The following DACH2 variants were observed in gnomAD, a reference collection of about 807,000 sequenced individuals.
The protein encoded by DACH2 is dachshund family transcription factor 2, also known as dachshund homolog 2.
DACH2 carries 17 observed loss-of-function variants against 35.8 expected under a neutral mutation model. The ratio of observed to expected loss-of-function variants is 0.48; its 90% CI spans 0.33 to 0.71. The LOEUF (loss-of-function observed/expected upper bound fraction) is 0.71, where lower values mean the gene tolerates loss of function less well. DACH2 is among the 30% of genes least tolerant of loss of function. The pLI, the probability that DACH2 is intolerant of heterozygous loss-of-function variation, is 0.02. For synonymous variants in DACH2, 195 were observed against 177.3 expected (o/e 1.10, Z -0.79); for missense variants, 469 against 472.7 (o/e 0.99, Z 0.07).
chrX:86,597,956 G>A (rs1293827569), intron 3 of DACH2, among the ~76,000 whole-genome samples: 1 of 111,602 alleles, frequency 9.0e-6, no homozygotes, highest in Non-Finnish European at 1.9e-5. Flanking sequence ...GGCTGGGGAG[G>A]CCTCGCAATC....
chrX:86,463,045 A>C (rs754880755), intron 2 of DACH2, among the ~76,000 whole-genome samples: 2 of 111,663 alleles, frequency 1.8e-5, no homozygotes, highest in Non-Finnish European at 3.8e-5. Flanking sequence ...TGAGCATAAT[A>C]TAAATTGAAA....
At chrX:86,388,585 A>G (rs1235820881) in intron 2 of DACH2, among the ~76,000 whole-genome samples, 1 of 111,728 alleles carries the variant, frequency 9.0e-6, no homozygotes, top group Non-Finnish European at 1.9e-5. Flanking sequence ...TGGAAATGCT[A>G]CGTTAATATT....
intron 2 of DACH2, among the ~76,000 whole-genome samples, chrX:86,385,602 C>A (rs2036111541): frequency 9.0e-6 from 1 of 111,367 alleles, no homozygotes; most frequent in Non-Finnish European, 1.9e-5. Context: ...TGTCATTTTA[C>A]ATAAGGGACT....
chrX:86,295,467 G>T lies in DACH2; in HGVS notation c.489-81357G>T, dbSNP rs576735283. 4.5e-5 allele frequency among the ~76,000 whole-genome samples: 5 copies of T among 111,636 alleles called. No individual in the cohort carries two copies. In the South Asian group the frequency reaches 1.9e-3, roughly 43 times the overall value. The stretch of plus-strand genomic sequence containing the variant: ...TACCCAACCAGTTCACTCTCTCTGG[G>T]CCCAGTTTAACACTTCGGCTTGCTC... On this transcript the variant is annotated intron_variant, in intron 1 of 11. Transcript: ENST00000373125.
At position 86,360,863 on chromosome X, in the gene DACH2, C is replaced by A. The variant is rs894221202; in HGVS notation, c.489-15961C>A. On this transcript the variant is annotated intron_variant, in intron 1 of 11. Coordinates refer to ENST00000373125, the MANE Select transcript of DACH2 (RefSeq NM_053281.3). ...TATATTAAATAATATTTTAATGGTA[C>A]TTTAATATTTATTTTTGAGTGATAA... Among the ~76,000 whole-genome samples, 7 of 111,111 alleles carry A rather than the reference C, an allele frequency of 6.3e-5. No homozygotes were observed. The East Asian group carries it at 1.7e-3, about 27-fold the overall frequency.
intron 1 of DACH2, among the ~76,000 whole-genome samples, chrX:86,345,144 A>G (rs902646366): frequency 8.9e-6 from 1 of 111,799 alleles, no homozygotes; most frequent in Non-Finnish European, 1.9e-5. Flanking sequence ...GGCTTAATAT[A>G]TCTTTAATTA....
chrX:86,608,597 A>G (rs1424276942), intron 3 of DACH2, among the ~76,000 whole-genome samples: 2 of 111,863 alleles, frequency 1.8e-5, no homozygotes, highest in Non-Finnish European at 3.8e-5. Flanking sequence ...TCTGATTGAA[A>G]TATGCCCTTT....
chrX:86,327,365 T>C (rs778075020), intron 1 of DACH2, among the ~76,000 whole-genome samples: 2 of 112,297 alleles, frequency 1.8e-5, no homozygotes, highest in East Asian at 2.8e-4. Flanking sequence ...AAGACACACA[T>C]ACATCATTCT....
chrX:86,586,505 G>A (rs1234014642), intron 3 of DACH2, among the ~76,000 whole-genome samples: 2 of 111,337 alleles, frequency 1.8e-5, no homozygotes, highest in Non-Finnish European at 3.8e-5. Flanking sequence ...ATGTCCAGAA[G>A]AATATTGCCT....
chrX:86,271,511 A>G (rs189444899), intron 1 of DACH2, among the ~76,000 whole-genome samples: 1 of 112,007 alleles, frequency 8.9e-6, no homozygotes, highest in African/African-American at 3.2e-5. Flanking sequence ...TAAAGATTAG[A>G]AATGTAAAGA....
At chrX:86,166,809 A>T (rs2030959422) in intron 1 of DACH2, among the ~76,000 whole-genome samples, 1 of 111,548 alleles carries the variant, frequency 9.0e-6, no homozygotes, top group African/African-American at 3.2e-5. Context: ...TTCTAGCATT[A>T]TTTGAAATGA....
intron 2 of DACH2, among the ~76,000 whole-genome samples, chrX:86,380,341 C>T: frequency 1.8e-5 from 2 of 110,202 alleles, no homozygotes; most frequent in East Asian, 2.9e-4. Context: ...AGTTTCAAAG[C>T]TCATATGCTT....
chrX:86,673,106 C>T (rs192375737), intron 4 of DACH2, among the ~76,000 whole-genome samples: 12 of 110,579 alleles, frequency 1.1e-4, no homozygotes, highest in South Asian at 3.8e-4. Flanking sequence ...GAGGCCGAGG[C>T]GGGTGGATCA....
intron 1 of DACH2, among the ~76,000 whole-genome samples, chrX:86,250,234 G>T (rs896069469): frequency 9.0e-6 from 1 of 111,650 alleles, no homozygotes; most frequent in Non-Finnish European, 1.9e-5. Flanking sequence ...AAAACTCACT[G>T]TGAATACTGT....
chrX:86,770,946 T>G (rs1436363850), intron 7 of DACH2, among the ~76,000 whole-genome samples: 1 of 113,162 alleles, frequency 8.8e-6, no homozygotes, highest in Non-Finnish European at 1.9e-5. Context: ...TAAATGTGTG[T>G]TTACATCCCA....
intron 1 of DACH2, among the ~76,000 whole-genome samples, chrX:86,252,270 G>A (rs1477253317): frequency 9.1e-6 from 1 of 110,462 alleles, no homozygotes; most frequent in Non-Finnish European, 1.9e-5. Flanking sequence ...AGATTGTGAA[G>A]ATTTTCTCCC....
intron 4 of DACH2, among the ~76,000 whole-genome samples, chrX:86,686,548 TA>T (rs765397600): frequency 9.0e-6 from 1 of 111,140 alleles, no homozygotes; most frequent in Non-Finnish European, 1.9e-5. Context: ...GGTATTTTTT[TA>T]AAAAAACTTC....
intron 1 of DACH2, among the ~76,000 whole-genome samples, chrX:86,322,727 G>T (rs1297755599): frequency 8.9e-6 from 1 of 112,239 alleles, no homozygotes; most frequent in African/African-American, 3.2e-5. Flanking sequence ...GTACTGGACT[G>T]AGCTTTATAC....
At chrX:86,740,327 C>T (rs2041640525) in intron 7 of DACH2, among the ~76,000 whole-genome samples, 1 of 110,405 alleles carries the variant, frequency 9.1e-6, no homozygotes, top group African/African-American at 3.3e-5. Flanking sequence ...ATTTCACCTA[C>T]ATGTATTTAT....
Sources: gnomAD v4.1 joint callset for allele counts (sites outside exome capture counted in the v4.1 genomes callset) on GRCh38, gnomAD v4.1.1 for gene constraint, MANE v1.5 for transcripts, NCBI Gene and HGNC (gene_info 2026-07-23, HGNC 2026-07-21) for gene names.